SMAD3: variants seen among roughly 807,000 people sequenced by gnomAD.
SMAD3 encodes MAD homolog 3.
In SMAD3, 12 loss-of-function variants were observed where a neutral mutation model predicts 51.8. The ratio of observed to expected loss-of-function variants is 0.23; its 90% confidence interval spans 0.15 to 0.38. The LOEUF is 0.38. Among genes scored for constraint, SMAD3 ranks in the 10% least tolerant of loss-of-function variants. SMAD3 has a pLI of 1.00. For missense variants in SMAD3, 294 were observed against 565.6 expected, an observed-to-expected ratio of 0.52 and a Z score of 4.87; for synonymous variants, 238 against 227.7, an observed-to-expected ratio of 1.05 and a Z score of -0.41.
At chr15:67,181,546 G>A in intron 6 of SMAD3, 93 bp downstream of exon 6, 2 of 1,076,056 alleles carry the variant, frequency 1.9e-6, no homozygotes, top group Non-Finnish European at 2.7e-6. Context: ...CCTCTGAAGG[G>A]AACCTTGCGT....
chr15:67,096,884 G>A (rs776814082), intron 1 of SMAD3, among the ~76,000 whole-genome samples: 1 of 152,178 alleles, frequency 6.6e-6, no homozygotes, highest in East Asian at 1.9e-4. Flanking sequence ...AGGTGGTGGT[G>A]GCTCTGTTGA....
intron 1 of SMAD3, chr15:67,138,100 G>A (rs1399761404): frequency 1.3e-6 from 2 of 1,550,976 alleles, no homozygotes; most frequent in African/African-American, 1.4e-5. Context: ...TGGATGGGGA[G>A]GTAGGAGCCC....
In SMAD3 at chr15:67,151,322, TTTTA is replaced by T. The variant is rs143155300; in HGVS notation, c.207-13549_207-13546del. On this transcript the variant is annotated intron_variant, in intron 1 of 8. Transcript: ENST00000327367. ...AATAGCTCTTTCTCCCCATTTTCCC[TTTTA>T]TTTATTTATTTATTTATTTATTTTG... Among the ~76,000 whole-genome samples the T allele has an allele frequency of 1.0e-4, 15 of 149,688 alleles. 1 individual carries two copies. Among genetic ancestry groups the T allele is most frequent in the East Asian group, 2.0e-4 (1 of 5,028 alleles).
chr15:67,125,287 G>C (rs1961357450), intron 1 of SMAD3, among the ~76,000 whole-genome samples: 1 of 152,254 alleles, frequency 6.6e-6, no homozygotes, highest in Non-Finnish European at 1.5e-5. Flanking sequence ...TCTTTATAGA[G>C]ATTAAGAGCG....
At chr15:67,184,431 G>A (rs754537598) in intron 6 of SMAD3, among the ~76,000 whole-genome samples, 1 of 152,096 alleles carries the variant, frequency 6.6e-6, no homozygotes, top group Non-Finnish European at 1.5e-5. Flanking sequence ...AGAGACAAAC[G>A]AAGACTCAGA....
intron 1 of SMAD3, among the ~76,000 whole-genome samples, chr15:67,145,834 G>A (rs967213263): frequency 6.6e-6 from 1 of 152,110 alleles, no homozygotes; most frequent in South Asian, 2.1e-4. Context: ...TGTTTCCACC[G>A]TGTCTCCCTG....
intron 1 of SMAD3, among the ~76,000 whole-genome samples, chr15:67,099,556 C>G (rs1213651165): frequency 1.3e-5 from 2 of 152,194 alleles, no homozygotes; most frequent in African/African-American, 4.8e-5. Flanking sequence ...CGCCAGAGGT[C>G]CGCATACATT....
intron 1 of SMAD3, among the ~76,000 whole-genome samples, chr15:67,125,249 G>C (rs566283503): frequency 6.6e-6 from 1 of 152,388 alleles, no homozygotes; most frequent in South Asian, 2.1e-4. Context: ...TGGCCTGGCA[G>C]CTCTGGTTGC....
At chr15:67,117,565 G>A (rs549987035) in intron 1 of SMAD3, among the ~76,000 whole-genome samples, 1 of 152,216 alleles carries the variant, frequency 6.6e-6, no homozygotes, top group East Asian at 1.9e-4. Context: ...CAGATGTGCC[G>A]GGTGGGCGAC....
chr15:67,114,577 C>T (rs550627742), intron 1 of SMAD3, among the ~76,000 whole-genome samples: 15 of 152,282 alleles, frequency 9.9e-5, no homozygotes, highest in Admixed American at 5.2e-4. Flanking sequence ...GTCATTACTT[C>T]GCAGTTGACA....
chr15:67,119,133 C>T (rs1306541556), intron 1 of SMAD3, among the ~76,000 whole-genome samples: 1 of 152,048 alleles, frequency 6.6e-6, no homozygotes, highest in Non-Finnish European at 1.5e-5. Flanking sequence ...GAAGAACAGC[C>T]CCATTTAGGG....
chr15:67,173,362 A>C (rs1021481206), intron 5 of SMAD3, among the ~76,000 whole-genome samples: 1 of 152,012 alleles, frequency 6.6e-6, no homozygotes, highest in Non-Finnish European at 1.5e-5. Flanking sequence ...GCCAAGGAGG[A>C]AAGTGTGGAT....
intron 1 of SMAD3, among the ~76,000 whole-genome samples, chr15:67,069,475 A>G (rs977106030): frequency 6.6e-6 from 1 of 152,148 alleles, no homozygotes; most frequent in Non-Finnish European, 1.5e-5. Flanking sequence ...TATGAGGAAT[A>G]AGGAGCTCGG....
At chr15:67,109,148 T>C (rs1960946386) in intron 1 of SMAD3, among the ~76,000 whole-genome samples, 1 of 152,214 alleles carries the variant, frequency 6.6e-6, no homozygotes, top group African/African-American at 2.4e-5. Flanking sequence ...GAATATGCAT[T>C]TGGGTATTTT....
chr15:67,176,922 G>A (rs1029677020), intron 5 of SMAD3, among the ~76,000 whole-genome samples: 2 of 152,198 alleles, frequency 1.3e-5, no homozygotes, highest in African/African-American at 4.8e-5. Flanking sequence ...ACGTGCCATC[G>A]TCTACCACCC....
At chr15:67,126,176 A>G (rs1008546962) in intron 1 of SMAD3, among the ~76,000 whole-genome samples, 1 of 151,976 alleles carries the variant, frequency 6.6e-6, no homozygotes, top group African/African-American at 2.4e-5. Context: ...TCAGCCCTTT[A>G]CAGTTTACCT....
chr15:67,131,666 T>G (rs890667732), intron 1 of SMAD3, among the ~76,000 whole-genome samples: 47 of 152,136 alleles, frequency 3.1e-4, no homozygotes, highest in African/African-American at 6.3e-4. Flanking sequence ...AGCCTCTCTC[T>G]CGAGAGCCCT....
intron 1 of SMAD3, among the ~76,000 whole-genome samples, chr15:67,090,126 A>ACT (rs1960479317): frequency 6.6e-6 from 1 of 152,178 alleles, no homozygotes; most frequent in Admixed American, 6.5e-5. Flanking sequence ...GACAGGTGGC[A>ACT]CTGGGAGTGG....
chr15:67,188,434 G>A (rs758853498), intron 8 of SMAD3, among the ~76,000 whole-genome samples: 4 of 152,066 alleles, frequency 2.6e-5, no homozygotes, highest in African/African-American at 7.2e-5. Context: ...CACCATGCCC[G>A]GCCCTAGATA....
Sources: gnomAD v4.1 joint callset for allele counts (sites outside exome capture counted in the v4.1 genomes callset) on GRCh38, gnomAD v4.1.1 for gene constraint, MANE v1.5 for transcripts, NCBI Gene and HGNC (gene_info 2026-07-23, HGNC 2026-07-21) for gene names.